OSBPL8: variants seen among roughly 807,000 people sequenced by gnomAD.
The protein encoded by OSBPL8 is oxysterol-binding protein-related protein 8.
In OSBPL8, 59 loss-of-function variants were observed where a neutral mutation model predicts 125.5. The ratio of observed to expected loss-of-function variants is 0.47; its 90% CI spans 0.38 to 0.58. The LOEUF is 0.58. Ranked by LOEUF, OSBPL8 falls within the 20% of genes least tolerant of loss-of-function variation. The probability of loss-of-function intolerance (pLI) is 0.00; values close to 1 mark genes in which losing one functional copy is unlikely to be tolerated. For missense variants in OSBPL8, 758 were observed against 1,047.8 expected (o/e 0.72, Z 3.82); for synonymous variants, 330 against 338.9 (o/e 0.97, Z 0.29).
chr12:76,493,125 CT>C (rs1409801573), intron 1 of OSBPL8, among the ~76,000 whole-genome samples: 4 of 152,178 alleles, frequency 2.6e-5, no homozygotes, highest in Non-Finnish European at 4.4e-5. Flanking sequence ...AGTCCATTGC[CT>C]TCTCTGAGTC....
chr12:76,492,544 C>G (rs932153584), intron 1 of OSBPL8, among the ~76,000 whole-genome samples: 2 of 152,128 alleles, frequency 1.3e-5, no homozygotes, highest in African/African-American at 4.8e-5. Flanking sequence ...GTATTTACAG[C>G]AACTCCCCAT....
intron 5 of OSBPL8, among the ~76,000 whole-genome samples, chr12:76,403,746 C>G (rs1954143173): frequency 6.6e-6 from 1 of 152,160 alleles, no homozygotes; most frequent in African/African-American, 2.4e-5. Context: ...TGGTGGCTTT[C>G]AAATGTTGAG....
intron 1 of OSBPL8, among the ~76,000 whole-genome samples, chr12:76,517,216 C>A (rs1407462851): frequency 6.6e-6 from 1 of 152,132 alleles, no homozygotes; most frequent in Non-Finnish European, 1.5e-5. Flanking sequence ...TAAATATGTT[C>A]TCTTTACAAT....
At chr12:76,398,417 T>C (rs763286468) in intron 7 of OSBPL8, among the ~76,000 whole-genome samples, 16 of 152,142 alleles carry the variant, frequency 1.1e-4, no homozygotes, top group Non-Finnish European at 1.5e-4. Context: ...ACTTTGTTCC[T>C]AGTAATTACA....
In OSBPL8 at chr12:76,369,669, T is replaced by C; in HGVS notation, c.2208A>G (p.Pro736=). The change falls in exon 20 of 24, where the codon CCA becomes CCG. Residue 736 remains proline, a synonymous_variant. Coordinates refer to ENST00000261183, the MANE Select transcript of OSBPL8 (RefSeq NM_020841.5). ...ACTTGTAATGCCATTCTCCTGTGAG[T>C]GGATCAAGTTCAAATAATTTGCAAG... ...EWSCKLFELD[P]LTGEWHYKFA... The C allele has an allele frequency of 6.2e-7, 1 of 1,613,638 alleles. No individual in the cohort carries two copies. Among genetic ancestry groups the C allele is most frequent in the Non-Finnish European group, 8.5e-7 (1 of 1,179,726 alleles).
At chr12:76,529,775 C>T (rs763087253) in intron 1 of OSBPL8, among the ~76,000 whole-genome samples, 6 of 152,152 alleles carry the variant, frequency 3.9e-5, no homozygotes, top group Non-Finnish European at 8.8e-5. Flanking sequence ...ATTTTATTCA[C>T]TGTGAAAGAG....
intron 9 of OSBPL8, among the ~76,000 whole-genome samples, chr12:76,394,225 T>A (rs1953696202): frequency 6.6e-6 from 1 of 152,000 alleles, no homozygotes; most frequent in African/African-American, 2.4e-5. Flanking sequence ...GAATTAAGTG[T>A]TAAAGGAGGA....
intron 1 of OSBPL8, among the ~76,000 whole-genome samples, chr12:76,498,597 C>T (rs891624223): frequency 2.6e-5 from 4 of 152,138 alleles, no homozygotes; most frequent in African/African-American, 9.7e-5. Context: ...ATGCTTTGAA[C>T]GCAGACATTT....
At chr12:76,537,213 T>G (rs1172410516) in intron 1 of OSBPL8, among the ~76,000 whole-genome samples, 1 of 152,148 alleles carries the variant, frequency 6.6e-6, no homozygotes, top group Non-Finnish European at 1.5e-5. Context: ...CAAGAAAATC[T>G]GCCCAAGTAA....
At chr12:76,358,262 T>C (rs180801983) in intron 22 of OSBPL8, among the ~76,000 whole-genome samples, 94 of 148,094 alleles carry the variant, frequency 6.3e-4, no homozygotes, top group African/African-American at 2.3e-3. Context: ...TCAGTGCATC[T>C]TCCATCTCCG....
chr12:76,498,520 T>C (rs1044014464), intron 1 of OSBPL8, among the ~76,000 whole-genome samples: 1 of 152,196 alleles, frequency 6.6e-6, no homozygotes, highest in Admixed American at 6.5e-5. Flanking sequence ...TGTGTAAGTA[T>C]TTGAGTCCTG....
chr12:76,379,467 C>A (rs1401047333), intron 15 of OSBPL8, among the ~76,000 whole-genome samples: 1 of 152,152 alleles, frequency 6.6e-6, no homozygotes, highest in Non-Finnish European at 1.5e-5. Context: ...ATAACCACCA[C>A]CACAATCAAG....
intron 1 of OSBPL8, among the ~76,000 whole-genome samples, chr12:76,557,921 G>A (rs1334639007): frequency 1.3e-5 from 2 of 152,118 alleles, no homozygotes; most frequent in African/African-American, 4.8e-5. Context: ...CAATCAAAGA[G>A]AAATAAACCA....
intron 4 of OSBPL8, chr12:76,422,646 C>G (rs777201748): frequency 6.6e-6 from 3 of 456,484 alleles, no homozygotes; most frequent in Non-Finnish European, 1.3e-5. Context: ...GAGCTCTCTT[C>G]TTTCATAGCT....
chr12:76,519,128 T>G lies in OSBPL8; in HGVS notation c.-67-31510A>C, dbSNP rs75840461. Reference sequence around the variant, plus strand: ...AAGTTCCAACTTTAAGTTATTTGTTTGTTCCTGTACCTGATCACAGGCTGC... The same window carrying G: ...AAGTTCCAACTTTAAGTTATTTGTTGGTTCCTGTACCTGATCACAGGCTGC... On this transcript the variant is annotated intron_variant, in intron 1 of 23. Coordinates refer to ENST00000261183, the MANE Select transcript of OSBPL8 (RefSeq NM_020841.5). 2.7e-4 allele frequency among the ~76,000 whole-genome samples: 41 copies of G among 152,328 alleles called. No homozygotes were observed. The East Asian group carries it at 7.7e-3, about 29-fold the overall frequency.
chr12:76,442,844 T>C (rs1872343608), intron 4 of OSBPL8, among the ~76,000 whole-genome samples: 1 of 152,214 alleles, frequency 6.6e-6, no homozygotes, highest in Admixed American at 6.5e-5. Flanking sequence ...GTTAGTCACC[T>C]GAGATTATAC....
intron 4 of OSBPL8, among the ~76,000 whole-genome samples, chr12:76,442,915 T>C (rs1462441598): frequency 6.6e-6 from 1 of 152,144 alleles, no homozygotes; most frequent in Non-Finnish European, 1.5e-5. Flanking sequence ...ATCAGTAAAT[T>C]GTATGAAAGA....
chr12:76,408,935 G>A (rs886541779), intron 5 of OSBPL8, among the ~76,000 whole-genome samples: 9 of 151,918 alleles, frequency 5.9e-5, no homozygotes, highest in East Asian at 1.9e-4. Context: ...TTTTGAGTAC[G>A]AATACCATTA....
intron 3 of OSBPL8, among the ~76,000 whole-genome samples, chr12:76,455,925 C>T (rs1306107452): frequency 1.3e-5 from 2 of 152,198 alleles, no homozygotes; most frequent in Non-Finnish European, 2.9e-5. Flanking sequence ...CCAAAGATAA[C>T]ATTACAGTGC....
Sources: allele counts gnomAD v4.1 joint callset (sites outside exome capture counted in the v4.1 genomes callset), GRCh38; gene constraint gnomAD v4.1.1; transcripts MANE v1.5; gene names NCBI Gene and HGNC (gene_info 2026-07-23, HGNC 2026-07-21).